Variants in ITGB4 observed in about 807,000 individuals in gnomAD.
The protein encoded by ITGB4 is integrin subunit beta 4.
Under a neutral mutation model 207.6 loss-of-function variants are expected in ITGB4, and 159 were observed. That is an observed-to-expected ratio of 0.77 (90% CI 0.67 to 0.87). ITGB4 has a LOEUF of 0.87. Ranked by LOEUF, ITGB4 falls within the 40% of genes least tolerant of loss-of-function variation. ITGB4 has a pLI of 0.00. For synonymous variants in ITGB4, 1,020 were observed against 1,062.7 expected, an observed-to-expected ratio of 0.96 and a Z score of 0.78; for missense variants, 2,278 against 2,546.8, an observed-to-expected ratio of 0.89 and a Z score of 2.27.
Position 75,740,250 on chromosome 17 carries a change from C to A in ITGB4, c.2447-108C>A. 8.0e-7 allele frequency: 1 copy of A among 1,256,684 alleles called. No homozygotes were observed. The highest frequency in any genetic ancestry group is 1.1e-6 in the Non-Finnish European group (1 of 883,626). 77.8% of individuals were successfully genotyped at this position (1,256,684 alleles called of 1,614,324 possible). On this transcript the variant is annotated intron_variant, in intron 20 of 39. Transcript: ENST00000200181. This position sits in a 1 kb window ranked among gnomAD's most constrained non-coding sequence, Gnocchi z 5.9. The stretch of plus-strand genomic sequence containing the variant: ...TGCCTCGGTGTGCGTGGCCTGCTGG[C>A]CAGGCATCCCCTGATCCTAGCATGG...
At position 75,750,057 on chromosome 17, in the gene ITGB4, C is replaced by T. The variant is rs1389393124; in HGVS notation, c.3317-54C>T. ...GTGTTGAAGTGGGTCTCTGGCGCCC[C>T]CTGGTGGTGAAGGGGGATCTGAGTG... On this transcript the variant is annotated intron_variant, in intron 27 of 39. Coordinates refer to ENST00000200181, the MANE Select transcript of ITGB4 (RefSeq NM_000213.5). This position sits in a 1 kb window ranked among gnomAD's most constrained non-coding sequence, Gnocchi z 5.5. 17 of 1,611,150 alleles carry T rather than the reference C, an allele frequency of 1.1e-5. No homozygotes were observed.
At chr17:75,746,902 C>A (rs1233424870) in intron 26 of ITGB4, among the ~76,000 whole-genome samples, 4 of 140,218 alleles carry the variant, frequency 2.9e-5, no homozygotes, top group Non-Finnish European at 1.5e-5. Context: ...GCACTCCAGC[C>A]TGGGTGACAG....
intron 2 of ITGB4, 106 bp downstream of exon 2, chr17:75,724,888 A>G: frequency 1.1e-6 from 1 of 933,788 alleles, no homozygotes; most frequent in African/African-American, 1.6e-5. Flanking sequence ...ACGCTTGGCC[A>G]TTCAGCAACT....
rs1400075745 is a variant in ITGB4, at chr17:75,736,485, G to A, written c.1861-80G>A. The A allele has an allele frequency of 4.4e-6, 7 of 1,606,622 alleles. No individual in the cohort carries two copies. The East Asian group carries it at 1.6e-4, about 36-fold the overall frequency. The stretch of plus-strand genomic sequence containing the variant: ...GCCTGATGCCACAGGAGCTGGCCAA[G>A]GGCAAGAGGTTTGGGGAGCGGGGGT... On this transcript the variant is annotated intron_variant, in intron 15 of 39. Transcript: ENST00000200181.
intron 13 of ITGB4, among the ~76,000 whole-genome samples, chr17:75,735,134 C>G (rs1284704432): frequency 6.6e-6 from 1 of 151,938 alleles, no homozygotes; most frequent in Non-Finnish European, 1.5e-5. Flanking sequence ...GTCACCCAGG[C>G]TAGAGTGCAG....
rs765388488 is a variant in ITGB4, at chr17:75,754,728, GACT to G, written c.4474_4476del (p.Tyr1492del). ...AAGCACATCCTCCACCCTCACACGG[GACT>G]ACAACTCACTGACCCGCTCAGAACA... On this transcript the variant is annotated inframe_deletion, in exon 34 of 40. Transcript: ENST00000200181. 8.7e-6 allele frequency: 14 copies of G among 1,613,892 alleles called. No homozygotes were observed. The highest frequency in any genetic ancestry group is 5.0e-5 in the Admixed American group (3 of 59,976).
Position 75,754,526 on chromosome 17 carries a change from GC to G in ITGB4, c.4319-47del, listed in dbSNP as rs1339593737. 4 of 1,611,436 alleles carry G rather than the reference GC, an allele frequency of 2.5e-6. No individual in the cohort carries two copies. The Admixed American group carries it at 6.7e-5, about 27-fold the overall frequency. ...TGCAGGGCCCAGCCTGCCCCACGGG[GC>G]CCGGGTCTGGGGCAGGCCTGACCAA... On this transcript the variant is annotated intron_variant, in intron 33 of 39. Coordinates refer to ENST00000200181, the MANE Select transcript of ITGB4 (RefSeq NM_000213.5).
chr17:75,728,289 C>T, intron 5 of ITGB4, 88 bp from the exon 6 acceptor site: 1 of 1,058,828 alleles, frequency 9.4e-7, no homozygotes, highest in Non-Finnish European at 1.5e-6. Flanking sequence ...CCCTCTTCCT[C>T]CCTTCTGAGC....
rs778638757 is a variant in ITGB4, at chr17:75,742,030, G to A, written c.2634-311G>A. ...CTATCGAGAACTAGAACCAGGGCTA[G>A]GGCCGCGGCAGCCTGGCCTGAGCAC... is the stretch of plus-strand genomic sequence containing the variant. On this transcript the variant is annotated intron_variant, in intron 23 of 39. Coordinates refer to ENST00000200181, the MANE Select transcript of ITGB4 (RefSeq NM_000213.5). The surrounding 1 kb of genome is among the most constrained non-coding windows in gnomAD (Gnocchi z 5.9). 2.1e-4 allele frequency among the ~76,000 whole-genome samples: 32 copies of A among 152,342 alleles called. No homozygotes were observed. Among genetic ancestry groups the A allele is most frequent in the Middle Eastern group, 6.8e-3 (2 of 294 alleles).
At position 75,722,759 on chromosome 17, in the gene ITGB4, G is replaced by GTGTGTC. The variant is rs1201455965; in HGVS notation, c.-11+1152_-11+1153insCTGTGT. Among the ~76,000 whole-genome samples the GTGTGTC allele has an allele frequency of 7.2e-6, 1 of 139,836 alleles. No homozygotes were observed. Among genetic ancestry groups the GTGTGTC allele is most frequent in the Non-Finnish European group, 1.5e-5 (1 of 65,658 alleles). The allele number at this position is 139,836 out of a possible 152,430, so 91.7% of individuals were successfully genotyped here. On this transcript the variant is annotated intron_variant, in intron 1 of 39. Transcript: ENST00000200181. The surrounding 1 kb of genome is among the most constrained non-coding windows in gnomAD (Gnocchi z 6.2). ...GCCTGTGGGTGGGTGGGCATGGCCT[G>GTGTGTC]TGTGTGTGTGTGTGTGTGTGTGTGT...
In ITGB4 at chr17:75,753,963, G is replaced by A. The variant is rs1477160457; in HGVS notation, c.4307G>A (p.Gly1436Glu). ...AGCCTGCCCCGCAGTGCGACACCCG[G>A]GCCCCCCGGAGGTGACAGGCTCACC... is the stretch of plus-strand genomic sequence containing the variant. Reference protein sequence around the residue: ...GGSLPRSATPGPPGEHLVNGR... With the variant: ...GGSLPRSATPEPPGEHLVNGR... Residue 1436 changes from glycine (G) to glutamate (E), a missense_variant, in exon 33 of 40, where the codon GGG (glycine) becomes GAG (glutamate). Transcript: ENST00000200181. The A allele has an allele frequency of 7.9e-7, 1 of 1,262,632 alleles. No homozygotes were observed. The allele number at this position is 1,262,632 out of a possible 1,614,324, so 78.2% of individuals were successfully genotyped here.
rs561081798 is a variant in ITGB4 at position 75,729,184 on chromosome 17, C to T, written c.567-81C>T. On this transcript the variant is annotated intron_variant, in intron 6 of 39. Transcript: ENST00000200181. This position sits in a 1 kb window ranked among gnomAD's most constrained non-coding sequence, Gnocchi z 4.4. Reference sequence around the variant, plus strand: ...AAAAAAAAAAAAAAAAATTCTCCTTCTAGTTGAAACGAGCCAGGGGCACTG... The same window carrying T: ...AAAAAAAAAAAAAAAAATTCTCCTTTTAGTTGAAACGAGCCAGGGGCACTG... 8.3e-5 allele frequency: 106 copies of T among 1,276,772 alleles called. No homozygotes were observed. The Admixed American group carries it at 1.0e-3, about 13-fold the overall frequency. The allele number at this position is 1,276,772 out of a possible 1,614,324, so 79.1% of individuals were successfully genotyped here. A position where few individuals can be genotyped will look rare whatever the true frequency, so the allele number is the denominator to read the frequency against.
chr17:75,744,372 G>A (rs2061188891), intron 26 of ITGB4, among the ~76,000 whole-genome samples: 1 of 151,866 alleles, frequency 6.6e-6, no homozygotes, highest in Admixed American at 6.6e-5. Context: ...CGCCCGCCTT[G>A]GCCTCCCAAA....
chr17:75,757,178 C>G (rs755482547), intron 38 of ITGB4, 22 bp from the exon 39 acceptor site: 34 of 1,612,444 alleles, frequency 2.1e-5, no homozygotes, highest in African/African-American at 4.0e-5. Context: ...CACCCTCTGA[C>G]TGGCCTATCT....
chr17:75,756,906 G>A (rs907998917), intron 37 of ITGB4, 37 bp from the exon 38 acceptor site: 2 of 1,612,130 alleles, frequency 1.2e-6, no homozygotes, highest in Non-Finnish European at 8.5e-7. Context: ...GGGGTAAAGA[G>A]GGGGCCGCAG....
chr17:75,734,119 T>C (rs1671044), intron 13 of ITGB4, among the ~76,000 whole-genome samples: 18 of 149,470 alleles, frequency 1.2e-4, no homozygotes, highest in African/African-American at 4.0e-4. Flanking sequence ...TTTGTTGTTG[T>C]TGCTGCTGTT....
intron 26 of ITGB4, among the ~76,000 whole-genome samples, chr17:75,747,311 T>C (rs1325823130): frequency 6.6e-6 from 1 of 151,978 alleles, no homozygotes; most frequent in Non-Finnish European, 1.5e-5. Flanking sequence ...AAACCCCATC[T>C]CTACTAAAAA....
At chr17:75,728,294 C>A in intron 5 of ITGB4, 83 bp from the exon 6 acceptor site, 1 of 1,148,814 alleles carries the variant, frequency 8.7e-7, no homozygotes, top group Non-Finnish European at 1.3e-6. Flanking sequence ...TTCCTCCCTT[C>A]TGAGCCAGCC....
Position 75,737,563 on chromosome 17 carries a change from G to A in ITGB4, c.2139G>A (p.Trp713Ter), listed in dbSNP as rs1234157387. The A allele has an allele frequency of 6.3e-7, 1 of 1,592,766 alleles. No individual in the cohort carries two copies. The highest frequency in any genetic ancestry group is 1.8e-5 in the Admixed American group (1 of 56,112). Residue 713 changes from tryptophan (W) to a stop codon, truncating the protein, a stop_gained, in exon 18 of 40, where the codon TGG becomes TGA. Coordinates refer to ENST00000200181, the MANE Select transcript of ITGB4 (RefSeq NM_000213.5). LOFTEE classifies it high-confidence loss of function. ...ACTGCCCTCCGGGCTCCTTCTGGTG[G>A]CTCATCCCCCTGCTCCTCCTCCTCC... ...KKDCPPGSFWWLIPLLLLLLP... is the reference protein window; with the variant it reads ...KKDCPPGSFW
Sources: allele counts gnomAD v4.1 joint callset (sites outside exome capture counted in the v4.1 genomes callset), GRCh38; gene constraint gnomAD v4.1.1; non-coding constraint Gnocchi (gnomAD v3.1); transcripts MANE v1.5; gene names NCBI Gene and HGNC (gene_info 2026-07-23, HGNC 2026-07-21).